Variants in OSTM1 observed in about 807,000 individuals in gnomAD.
The protein encoded by OSTM1 is osteopetrosis-associated transmembrane protein 1.
Under a neutral mutation model 35.4 loss-of-function variants are expected in OSTM1, and 26 were observed. That is an observed-to-expected ratio of 0.73 (90% CI 0.54 to 1.02). OSTM1 has a LOEUF of 1.02. Among genes scored for constraint, OSTM1 ranks in the 50% least tolerant of loss-of-function variants. OSTM1 has a pLI of 0.00. For missense variants in OSTM1, 366 were observed against 409.6 expected (o/e 0.89, Z 0.92); for synonymous variants, 181 against 165.0 (o/e 1.10, Z -0.75).
intron 5 of OSTM1, among the ~76,000 whole-genome samples, chr6:108,045,050 TAGA>T (rs1424088224): frequency 6.6e-6 from 1 of 152,194 alleles, no homozygotes; most frequent in Non-Finnish European, 1.5e-5. Flanking sequence ...ATGACTTTGT[TAGA>T]AGCAGTACAA....
At position 108,057,252 on chromosome 6, in the gene OSTM1, A is replaced by G. The variant is rs552191540; in HGVS notation, c.518-2665T>C. 7.7e-4 allele frequency among the ~76,000 whole-genome samples: 117 copies of G among 152,348 alleles called. 1 individual carries two copies. The highest frequency in any genetic ancestry group is 6.0e-4 in the Non-Finnish European group (41 of 68,034). ...TCATTGCCCCTCTTAATGCTAGTTT[A>G]ATATCATCATGAAGTAGCCCGCAAT... On this transcript the variant is annotated intron_variant, in intron 2 of 5. Transcript: ENST00000193322.
At chr6:108,066,271 G>A (rs984733302) in intron 1 of OSTM1, among the ~76,000 whole-genome samples, 1 of 152,116 alleles carries the variant, frequency 6.6e-6, no homozygotes, top group Non-Finnish European at 1.5e-5. Context: ...CCATAGATCA[G>A]GTATAATGAA....
chr6:108,043,846 GTCCCT>G lies in OSTM1; in HGVS notation c.*934_*938del, dbSNP rs1474361424. On this transcript the variant is annotated 3_prime_UTR_variant, in exon 6 of 6. Transcript: ENST00000193322. ...AGTCTTACAGTGAGCATCCTCTCAG[GTCCCT>G]TTCTGCTCGCTGAACCTTAAGCTGG... is the stretch of plus-strand genomic sequence containing the variant. 6.6e-6 allele frequency: 1 copy of G among 152,026 alleles called. No homozygotes were observed. The highest frequency in any genetic ancestry group is 1.5e-5 in the Non-Finnish European group (1 of 68,006). 9.4% of individuals were successfully genotyped at this position (152,026 alleles called of 1,614,324 possible).
intron 2 of OSTM1, among the ~76,000 whole-genome samples, chr6:108,060,568 A>C (rs1772254936): frequency 6.6e-6 from 1 of 151,948 alleles, no homozygotes; most frequent in Admixed American, 6.6e-5. Context: ...AAACACAAAA[A>C]TTGGCCAGGC....
At chr6:108,074,201 C>T in intron 1 of OSTM1, 49 bp downstream of exon 1, 1 of 1,592,274 alleles carries the variant, frequency 6.3e-7, no homozygotes, top group Non-Finnish European at 8.6e-7. Flanking sequence ...CACCCTCCTC[C>T]TTTCCCAACT....
At chr6:108,046,325 A>G (rs1582385429) in intron 5 of OSTM1, among the ~76,000 whole-genome samples, 1 of 111,006 alleles carries the variant, frequency 9.0e-6, no homozygotes, top group Non-Finnish European at 1.8e-5. Context: ...TGGCCTACCA[A>G]TGTCTCTGGT....
chr6:108,053,039 G>A (rs774478387), intron 3 of OSTM1, among the ~76,000 whole-genome samples: 15 of 152,120 alleles, frequency 9.9e-5, no homozygotes, highest in Non-Finnish European at 2.2e-4. Context: ...TCCCTCACTG[G>A]ATGTACTGGT....
chr6:108,053,273 T>C (rs1025544646), intron 3 of OSTM1, among the ~76,000 whole-genome samples: 1 of 152,220 alleles, frequency 6.6e-6, no homozygotes, highest in African/African-American at 2.4e-5. Context: ...TTCCATTTAA[T>C]ATTTTTGGAC....
At chr6:108,053,698 T>C (rs531109318) in intron 3 of OSTM1, among the ~76,000 whole-genome samples, 1 of 152,254 alleles carries the variant, frequency 6.6e-6, no homozygotes, top group East Asian at 1.9e-4. Flanking sequence ...ACTCCTGACC[T>C]CAAGTGACCT....
At chr6:108,068,910 G>A (rs576788448) in intron 1 of OSTM1, among the ~76,000 whole-genome samples, 38 of 152,260 alleles carry the variant, frequency 2.5e-4, no homozygotes, top group African/African-American at 8.9e-4. Context: ...CTCAGACCAC[G>A]GGTTTCCTTC....
At chr6:108,058,785 A>G (rs905397724) in intron 2 of OSTM1, among the ~76,000 whole-genome samples, 1 of 152,192 alleles carries the variant, frequency 6.6e-6, no homozygotes, top group African/African-American at 2.4e-5. Flanking sequence ...CTTAAAAAAA[A>G]AAAAATGTTT....
In OSTM1 at chr6:108,042,359, C is replaced by T. The variant is rs1478855611; in HGVS notation, c.*2426G>A. On this transcript the variant is annotated 3_prime_UTR_variant, in exon 6 of 6. Transcript: ENST00000193322. ...TCTCTCAAGTTCAACAATAAATAAT[C>T]CAAAGTACATTTTTATTTGCAGCAA... is the stretch of plus-strand genomic sequence containing the variant. 6.7e-6 allele frequency: 1 copy of T among 149,126 alleles called. No homozygotes were observed. The highest frequency in any genetic ancestry group is 2.5e-5 in the African/African-American group (1 of 40,782). 9.2% of individuals were successfully genotyped at this position (149,126 alleles called of 1,614,324 possible). A position where few individuals can be genotyped will look rare whatever the true frequency, so the allele number is the denominator to read the frequency against.
At chr6:108,058,705 G>A (rs1772212739) in intron 2 of OSTM1, among the ~76,000 whole-genome samples, 1 of 152,176 alleles carries the variant, frequency 6.6e-6, no homozygotes. Flanking sequence ...GTGAACCTGG[G>A]AGGCGGAGCT....
chr6:108,046,972 C>A (rs770474052), intron 5 of OSTM1, among the ~76,000 whole-genome samples: 15 of 152,172 alleles, frequency 9.9e-5, no homozygotes, highest in Non-Finnish European at 2.2e-4. Context: ...ATCCCCACAT[C>A]CTTTAAAATT....
intron 5 of OSTM1, among the ~76,000 whole-genome samples, chr6:108,048,213 G>A (rs1772013475): frequency 6.6e-6 from 1 of 152,030 alleles, no homozygotes; most frequent in Admixed American, 6.6e-5. Flanking sequence ...AAATTTATAG[G>A]GAAAAGAATT....
At chr6:108,058,748 G>A (rs560478387) in intron 2 of OSTM1, among the ~76,000 whole-genome samples, 2 of 151,912 alleles carry the variant, frequency 1.3e-5, no homozygotes, top group East Asian at 1.9e-4. Context: ...ACTGCACTCC[G>A]GCCTGGGTGA....
At chr6:108,073,574 C>T (rs1003233883) in intron 1 of OSTM1, 3 of 152,222 alleles carry the variant, frequency 2.0e-5, no homozygotes, top group Non-Finnish European at 2.9e-5. Flanking sequence ...TCTAAAACCT[C>T]CTTTTATCCC....
At chr6:108,054,435 C>T in intron 3 of OSTM1, 55 bp downstream of exon 3, 1 of 800,642 alleles carries the variant, frequency 1.2e-6, no homozygotes, top group Non-Finnish European at 2.0e-6. Flanking sequence ...TGGAACTGCA[C>T]ATTATTCCTT....
chr6:108,057,923 CA>C (rs1260814181), intron 2 of OSTM1, among the ~76,000 whole-genome samples: 1 of 152,012 alleles, frequency 6.6e-6, no homozygotes, highest in Non-Finnish European at 1.5e-5. Context: ...TTCCTTTAAG[CA>C]CTAAGTGAAG....
Sources: allele counts gnomAD v4.1 joint callset (sites outside exome capture counted in the v4.1 genomes callset), GRCh38; gene constraint gnomAD v4.1.1; transcripts MANE v1.5; gene names NCBI Gene and HGNC (gene_info 2026-07-23, HGNC 2026-07-21).